The following SMYD3 variants were observed in gnomAD, a reference collection of about 807,000 sequenced individuals.
SMYD3 encodes the protein SET and MYND domain containing 3, also known as histone-lysine N-methyltransferase SMYD3.
A neutral mutation model predicts 57.7 loss-of-function variants in SMYD3; 36 were observed. The ratio of observed to expected loss-of-function variants is 0.62; its 90% CI spans 0.48 to 0.82. The LOEUF is 0.82. SMYD3 is among the 40% of genes least tolerant of loss of function. The pLI is 0.00. For synonymous variants in SMYD3, 211 were observed against 195.0 expected (o/e 1.08, Z -0.68); for missense variants, 515 against 538.8 (o/e 0.96, Z 0.44).
intron 5 of SMYD3, among the ~76,000 whole-genome samples, chr1:246,249,676 A>G (rs2063770660): frequency 6.6e-6 from 1 of 152,208 alleles, no homozygotes. Flanking sequence ...CATGAAAAAT[A>G]TAATTTCTGT....
chr1:246,205,151 A>C (rs1390087765), intron 5 of SMYD3, among the ~76,000 whole-genome samples: 2 of 152,220 alleles, frequency 1.3e-5, no homozygotes, highest in African/African-American at 4.8e-5. Context: ...GAAGTTTTGT[A>C]CTTAAAAGGA....
chr1:246,138,776 C>T (rs1462755118), intron 5 of SMYD3, among the ~76,000 whole-genome samples: 1 of 152,020 alleles, frequency 6.6e-6, no homozygotes, highest in Non-Finnish European at 1.5e-5. Flanking sequence ...ACCTAAATTT[C>T]TTTGTACCGC....
chr1:245,830,733 G>T (rs7514038), intron 10 of SMYD3, among the ~76,000 whole-genome samples: 122,089 of 152,134 alleles, frequency 0.8, 51,402 homozygotes, highest in Non-Finnish European at 0.95. Context: ...CCACTAATAA[G>T]ATTTACAGTT....
intron 7 of SMYD3, among the ~76,000 whole-genome samples, chr1:245,922,346 T>G (rs1468010968): frequency 6.6e-6 from 1 of 152,230 alleles, no homozygotes; most frequent in Non-Finnish European, 1.5e-5. Context: ...GAGCATGTAT[T>G]AGAACAAAGA....
chr1:246,487,512 T>C (rs1206435665), intron 1 of SMYD3, among the ~76,000 whole-genome samples: 1 of 151,912 alleles, frequency 6.6e-6, no homozygotes. Flanking sequence ...AGATACAATG[T>C]TCTGAGTACC....
At chr1:246,104,092 G>C (rs1218712482) in intron 5 of SMYD3, among the ~76,000 whole-genome samples, 1 of 152,200 alleles carries the variant, frequency 6.6e-6, no homozygotes, top group Non-Finnish European at 1.5e-5. Flanking sequence ...TAAAATGGGA[G>C]CTCCTTTGAA....
chr1:245,758,865 T>G (rs929671155), intron 11 of SMYD3, among the ~76,000 whole-genome samples: 3 of 152,218 alleles, frequency 2.0e-5, no homozygotes, highest in African/African-American at 7.2e-5. Flanking sequence ...GTTCTTGGCA[T>G]AGTGAGTGAT....
chr1:246,021,400 C>G (rs1161406180), intron 5 of SMYD3, among the ~76,000 whole-genome samples: 4 of 152,162 alleles, frequency 2.6e-5, no homozygotes, highest in Admixed American at 1.3e-4. Flanking sequence ...CCTGATCACC[C>G]ACACTGCGCC....
At chr1:246,331,544 T>C (rs2065461817) in intron 3 of SMYD3, among the ~76,000 whole-genome samples, 1 of 151,978 alleles carries the variant, frequency 6.6e-6, no homozygotes, top group Admixed American at 6.6e-5. Flanking sequence ...TCTTCACTGC[T>C]ACAGATTCCA....
intron 5 of SMYD3, among the ~76,000 whole-genome samples, chr1:246,123,736 A>C (rs1349904006): frequency 1.3e-5 from 2 of 152,190 alleles, no homozygotes; most frequent in Non-Finnish European, 2.9e-5. Context: ...ATTGTTTTAC[A>C]TAAGGCAGTA....
intron 1 of SMYD3, among the ~76,000 whole-genome samples, chr1:246,443,083 TTTTTG>T (rs1397979983): frequency 6.6e-6 from 1 of 152,222 alleles, no homozygotes; most frequent in Non-Finnish European, 1.5e-5. Flanking sequence ...CTTCCAGTTG[TTTTTG>T]TTTTGTTTTA....
At chr1:246,031,696 C>A (rs1314644054) in intron 5 of SMYD3, among the ~76,000 whole-genome samples, 1 of 149,710 alleles carries the variant, frequency 6.7e-6, no homozygotes, top group Non-Finnish European at 1.5e-5. Flanking sequence ...GAGATCGCGC[C>A]ACTGCACTCC....
At chr1:245,789,554 G>T (rs1414815583) in intron 10 of SMYD3, among the ~76,000 whole-genome samples, 1 of 152,206 alleles carries the variant, frequency 6.6e-6, no homozygotes, top group Non-Finnish European at 1.5e-5. Context: ...ATGTTGGCCT[G>T]AAAGTATTGT....
intron 1 of SMYD3, among the ~76,000 whole-genome samples, chr1:246,464,099 T>C (rs1331616419): frequency 1.3e-5 from 2 of 152,176 alleles, no homozygotes; most frequent in Admixed American, 1.3e-4. Flanking sequence ...GATGGTACAG[T>C]AGCCTTAAGA....
At position 246,117,062 on chromosome 1, in the gene SMYD3, T is replaced by C. The variant is rs144554708; in HGVS notation, c.532-187125A>G. On this transcript the variant is annotated intron_variant, in intron 5 of 11. Transcript: ENST00000490107. The stretch of plus-strand genomic sequence containing the variant: ...GAGCATCTGCTTTTCTATAAACACA[T>C]AGAATGTCTACTGGAAAACAAGCCC... 3.8e-3 allele frequency among the ~76,000 whole-genome samples: 580 copies of C among 152,260 alleles called. 6 individuals are homozygous for C. The highest frequency in any genetic ancestry group is 0.013 in the African/African-American group (539 of 41,536).
chr1:246,034,922 A>T (rs2148274943), intron 5 of SMYD3, among the ~76,000 whole-genome samples: 1 of 152,304 alleles, frequency 6.6e-6, no homozygotes, highest in South Asian at 2.1e-4. Context: ...TTATAAGTAT[A>T]CTTTATAAGA....
chr1:246,477,142 C>T (rs1451367755), intron 1 of SMYD3, among the ~76,000 whole-genome samples: 1 of 152,194 alleles, frequency 6.6e-6, no homozygotes, highest in Non-Finnish European at 1.5e-5. Context: ...AACCTCATTT[C>T]TCTTTCTCAA....
At chr1:246,488,118 T>C (rs1280023930) in intron 1 of SMYD3, among the ~76,000 whole-genome samples, 1 of 152,194 alleles carries the variant, frequency 6.6e-6, no homozygotes, top group Non-Finnish European at 1.5e-5. Context: ...CAAACTACAA[T>C]TAAATCCATG....
intron 8 of SMYD3, among the ~76,000 whole-genome samples, chr1:245,891,860 C>A (rs1485955968): frequency 2.0e-5 from 3 of 152,118 alleles, no homozygotes; most frequent in Non-Finnish European, 2.9e-5. Context: ...CTGGGCAATA[C>A]AGTGAGACTC....
Sources: allele counts gnomAD v4.1 joint callset (sites outside exome capture counted in the v4.1 genomes callset), GRCh38; gene constraint gnomAD v4.1.1; transcripts MANE v1.5; gene names NCBI Gene and HGNC (gene_info 2026-07-23, HGNC 2026-07-21).